TRPM6: variants seen among roughly 807,000 people sequenced by gnomAD.
The protein encoded by TRPM6 is channel kinase 2.
In TRPM6, 111 loss-of-function variants were observed where a neutral mutation model predicts 247.6. The ratio of observed to expected loss-of-function variants is 0.45; its 90% CI spans 0.38 to 0.52. The LOEUF (loss-of-function observed/expected upper bound fraction) is 0.52, where lower values mean the gene tolerates loss of function less well. TRPM6 is among the 20% of genes least tolerant of loss of function. The probability of loss-of-function intolerance (pLI) is 0.00; values close to 1 mark genes in which losing one functional copy is unlikely to be tolerated. For synonymous variants in TRPM6, 892 were observed against 853.8 expected, an observed-to-expected ratio of 1.04 and a Z score of -0.78; for missense variants, 2,126 against 2,421.5, an observed-to-expected ratio of 0.88 and a Z score of 2.56.
At position 74,762,601 on chromosome 9, in the gene TRPM6, G is replaced by A. The variant is rs1372508550; in HGVS notation, c.4070C>T (p.Ser1357Leu). ...GGACAGAGGCAAGACAGTTTCTGCT[G>A]AAAAAGGAACTCGCTTTAGATTAGA... Reference protein sequence around the residue: ...VPSNLKRVPFSAETVLPLSRP... With the variant: ...VPSNLKRVPFLAETVLPLSRP... Residue 1357 changes from serine to leucine, a missense_variant, in exon 26 of 39, where the codon TCA becomes TTA. Ser to Leu is a moderately radical substitution (Grantham distance 145). Transcript: ENST00000360774. 3.1e-6 allele frequency: 5 copies of A among 1,614,102 alleles called. No individual in the cohort carries two copies. The highest frequency in any genetic ancestry group is 1.3e-5 in the African/African-American group (1 of 74,944).
At chr9:74,868,390 G>GC (rs1364840708) in intron 1 of TRPM6, among the ~76,000 whole-genome samples, 4 of 152,056 alleles carry the variant, frequency 2.6e-5, no homozygotes, top group Admixed American at 6.6e-5. Flanking sequence ...AGCTACTCGG[G>GC]AGGCTGAGGC....
chr9:74,853,707 G>GAC (rs1235175302), intron 3 of TRPM6, among the ~76,000 whole-genome samples: 14 of 151,996 alleles, frequency 9.2e-5, no homozygotes, highest in African/African-American at 2.9e-4. Flanking sequence ...AGTACCCAGG[G>GAC]ACACAAACAC....
rs557325846 is a variant in TRPM6, at chr9:74,847,797, C to A, written c.153-5454G>T. ...TGTGTCTCTGATTAAAGTTATGAAG[C>A]CTACACTCAGGAATTCTGAAAAATA... On this transcript the variant is annotated intron_variant, in intron 3 of 38. Coordinates refer to ENST00000360774, the MANE Select transcript of TRPM6 (RefSeq NM_017662.5). 4.6e-3 allele frequency among the ~76,000 whole-genome samples: 703 copies of A among 151,970 alleles called. 1 individual carries two copies. Among genetic ancestry groups the A allele is most frequent in the Non-Finnish European group, 7.4e-3 (503 of 67,962 alleles).
intron 11 of TRPM6, among the ~76,000 whole-genome samples, chr9:74,816,316 C>T (rs1828922841): frequency 2.6e-5 from 4 of 152,088 alleles, no homozygotes; most frequent in Admixed American, 2.0e-4. Context: ...TTACAGTGAG[C>T]TATGATCATA....
intron 23 of TRPM6, among the ~76,000 whole-genome samples, chr9:74,776,705 TG>T (rs1391708076): frequency 1.3e-5 from 2 of 152,142 alleles, no homozygotes; most frequent in East Asian, 3.9e-4. Flanking sequence ...GAACTTGCCA[TG>T]GGGGTAATGA....
At chr9:74,869,341 G>A (rs1028415597) in intron 1 of TRPM6, among the ~76,000 whole-genome samples, 6 of 151,444 alleles carry the variant, frequency 4.0e-5, no homozygotes, top group African/African-American at 1.2e-4. Flanking sequence ...ATGGTGGCAC[G>A]CACCTGTAGT....
At chr9:74,878,617 T>TGG (rs1831263461) in intron 1 of TRPM6, among the ~76,000 whole-genome samples, 1 of 152,078 alleles carries the variant, frequency 6.6e-6, no homozygotes, top group Non-Finnish European at 1.5e-5. Context: ...ATAAACGTCT[T>TGG]CAGAATACAA....
chr9:74,728,510 T>A (rs149496465), intron 37 of TRPM6, among the ~76,000 whole-genome samples, 165 bp from the exon 38 acceptor site: 267 of 152,322 alleles, frequency 1.8e-3, no homozygotes, highest in Middle Eastern at 3.4e-3. Flanking sequence ...TTTGCAAATT[T>A]AAAATTCAAA....
chr9:74,789,118 G>A (rs1393355476), intron 19 of TRPM6, among the ~76,000 whole-genome samples: 2 of 152,202 alleles, frequency 1.3e-5, no homozygotes, highest in African/African-American at 4.8e-5. Context: ...AAGAAAACGT[G>A]TGAAGCATGC....
At chr9:74,810,708 A>G (rs1467664350) in intron 13 of TRPM6, 107 bp downstream of exon 13, 2 of 976,660 alleles carry the variant, frequency 2.0e-6, no homozygotes, top group Non-Finnish European at 3.3e-6. Context: ...TAGGTAATTA[A>G]CAAAACAATC....
Position 74,771,703 on chromosome 9 carries a change from C to T in TRPM6, c.3536G>A (p.Arg1179Lys). Residue 1179 changes from arginine to lysine, a missense_variant and splice_region_variant, in exon 25 of 39, where the codon AGG (arginine) becomes AAG (lysine). By Grantham distance (26) the Arg-to-Lys change is conservative. This residue lies in a region of TRPM6 where 717 missense variants were observed against 715.9 expected (regional missense o/e 1.00). Transcript: ENST00000360774. ...CEERIRVTSE[R>K]VTEMYFQLKE... Reference sequence around the variant, plus strand: ...AATGGAAAAGATTTATATCTTTTACCTTTCTGATGTCACTCGGATTCGTTC... The same window carrying T: ...AATGGAAAAGATTTATATCTTTTACTTTTCTGATGTCACTCGGATTCGTTC... The T allele has an allele frequency of 1.2e-6, 2 of 1,613,580 alleles. No homozygotes were observed. The highest frequency in any genetic ancestry group is 1.1e-5 in the South Asian group (1 of 91,050).
At chr9:74,850,985 C>A (rs1053997132) in intron 3 of TRPM6, among the ~76,000 whole-genome samples, 1 of 152,148 alleles carries the variant, frequency 6.6e-6, no homozygotes. Flanking sequence ...ATTGAGGTAA[C>A]CTCATCTGGA....
intron 8 of TRPM6, 118 bp from the exon 9 acceptor site, chr9:74,820,545 GC>G: frequency 7.9e-7 from 1 of 1,269,382 alleles, no homozygotes; most frequent in Non-Finnish European, 1.1e-6. Context: ...GGACAGTTCT[GC>G]CAGAAGAGCA....
At chr9:74,749,691 T>G (rs765476570) in intron 30 of TRPM6, among the ~76,000 whole-genome samples, 10 of 152,246 alleles carry the variant, frequency 6.6e-5, no homozygotes, top group Non-Finnish European at 1.0e-4. Flanking sequence ...TCTTCAGCAT[T>G]TAAGGTCCTT....
At chr9:74,786,569 T>C (rs1936601040) in intron 20 of TRPM6, among the ~76,000 whole-genome samples, 1 of 151,594 alleles carries the variant, frequency 6.6e-6, no homozygotes, top group Non-Finnish European at 1.5e-5. Flanking sequence ...TGAAACCCCA[T>C]CTCTACTAAA....
intron 1 of TRPM6, among the ~76,000 whole-genome samples, chr9:74,864,560 C>G (rs1445348533): frequency 6.6e-6 from 1 of 152,176 alleles, no homozygotes; most frequent in Non-Finnish European, 1.5e-5. Context: ...ATAGTCTGTC[C>G]AGGAGGCAGA....
intron 7 of TRPM6, chr9:74,827,562 T>C (rs940515202): frequency 7.5e-6 from 5 of 667,136 alleles, no homozygotes; most frequent in Non-Finnish European, 1.4e-5. Flanking sequence ...CATGGAAGGA[T>C]GAAGACTTTA....
intron 15 of TRPM6, 29 bp from the exon 16 acceptor site, chr9:74,802,204 T>G (rs750441188): frequency 6.2e-7 from 1 of 1,602,618 alleles, no homozygotes; most frequent in Non-Finnish European, 8.5e-7. Context: ...GGAATGAGTT[T>G]TCAAATACTC....
At chr9:74,811,101 T>C (rs58693659) in intron 12 of TRPM6, among the ~76,000 whole-genome samples, 2,120 of 152,344 alleles carry the variant, frequency 0.014, 46 homozygotes, top group African/African-American at 0.047. Flanking sequence ...AAAGACTTTA[T>C]GTGATAAGAG....
Sources: allele counts gnomAD v4.1 joint callset (sites outside exome capture counted in the v4.1 genomes callset), GRCh38; gene constraint gnomAD v4.1.1; regional missense constraint gnomAD v4.1.1; transcripts MANE v1.5; gene names NCBI Gene and HGNC (gene_info 2026-07-23, HGNC 2026-07-21).